The following SRPK2 variants were observed in gnomAD, a reference collection of about 807,000 sequenced individuals.
SRPK2 encodes SFRS protein kinase 2.
A neutral mutation model predicts 90.8 loss-of-function variants in SRPK2; 21 were observed. The ratio of observed to expected loss-of-function variants is 0.23; its 90% CI spans 0.16 to 0.33. The LOEUF is 0.33. SRPK2 is among the 10% of genes least tolerant of loss of function. The pLI, the probability that SRPK2 is intolerant of heterozygous loss-of-function variation, is 1.00. For synonymous variants in SRPK2, 288 were observed against 311.1 expected (o/e 0.93, Z 0.78); for missense variants, 620 against 869.0 (o/e 0.71, Z 3.60).
At chr7:105,270,247 G>A (rs917120304) in intron 2 of SRPK2, among the ~76,000 whole-genome samples, 1 of 152,110 alleles carries the variant, frequency 6.6e-6, no homozygotes, top group African/African-American at 2.4e-5. Context: ...CACTGGGAGA[G>A]CAGAGCACAG....
intron 2 of SRPK2, among the ~76,000 whole-genome samples, chr7:105,361,948 C>T (rs1465084163): frequency 1.3e-5 from 1 of 75,448 alleles, no homozygotes; most frequent in South Asian, 7.1e-4. Flanking sequence ...ACCGAAAGCG[C>T]CTGGCAACAA....
chr7:105,280,967 A>C (rs1243715039), intron 2 of SRPK2, among the ~76,000 whole-genome samples: 1 of 146,464 alleles, frequency 6.8e-6, no homozygotes, highest in African/African-American at 2.5e-5. Context: ...AAAAAAAAAA[A>C]AAAAAAAAAA....
At chr7:105,186,982 G>GCCAC (rs1160089579) in intron 3 of SRPK2, among the ~76,000 whole-genome samples, 3 of 152,184 alleles carry the variant, frequency 2.0e-5, no homozygotes, top group Non-Finnish European at 1.5e-5. Flanking sequence ...CAGCCATGAA[G>GCCAC]CCACATCAAG....
At chr7:105,243,223 T>TA (rs762474018) in intron 2 of SRPK2, among the ~76,000 whole-genome samples, 1 of 152,102 alleles carries the variant, frequency 6.6e-6, no homozygotes, top group South Asian at 2.1e-4. Flanking sequence ...AGGCTTGTCT[T>TA]AAACTCCTGG....
intron 3 of SRPK2, among the ~76,000 whole-genome samples, chr7:105,200,300 C>CA (rs1429177161): frequency 6.6e-6 from 1 of 151,926 alleles, no homozygotes; most frequent in African/African-American, 2.4e-5. Context: ...GACTCCATCT[C>CA]AAAACAAAAC....
intron 2 of SRPK2, among the ~76,000 whole-genome samples, chr7:105,290,433 G>C (rs551703261): frequency 1.1e-4 from 16 of 152,230 alleles, no homozygotes; most frequent in Middle Eastern, 6.8e-3. Context: ...AGGAGGCGGA[G>C]TTCACAGTGA....
intron 7 of SRPK2, among the ~76,000 whole-genome samples, chr7:105,148,468 C>T (rs578002528): frequency 6.6e-6 from 1 of 152,242 alleles, no homozygotes; most frequent in African/African-American, 2.4e-5. Context: ...ATAATTTTTT[C>T]AATTATTTCC....
At chr7:105,366,168 T>C (rs113132071) in intron 2 of SRPK2, among the ~76,000 whole-genome samples, 2 of 151,878 alleles carry the variant, frequency 1.3e-5, no homozygotes, top group East Asian at 2.0e-4. Flanking sequence ...ATTTTCTTAA[T>C]GGTGTCTGGG....
intron 2 of SRPK2, 67 bp downstream of exon 2, chr7:105,388,581 T>TG: frequency 6.9e-7 from 1 of 1,455,932 alleles, no homozygotes; most frequent in Non-Finnish European, 9.3e-7. Context: ...AACTTTCCCC[T>TG]GCGCGGCCGC....
chr7:105,170,745 G>GAGGGAGGAAGGAAGGAAGGA (rs1554435222), intron 3 of SRPK2, among the ~76,000 whole-genome samples: 3 of 45,602 alleles, frequency 6.6e-5, no homozygotes, highest in African/African-American at 1.2e-4. Flanking sequence ...GGAAGAAAGG[G>GAGGGAGGAAGGAAGGAAGGA]AGGAAGGAAG....
chr7:105,224,143 T>C (rs1798431312), intron 2 of SRPK2, among the ~76,000 whole-genome samples: 1 of 152,222 alleles, frequency 6.6e-6, no homozygotes, highest in Non-Finnish European at 1.5e-5. Flanking sequence ...CTGTACCATA[T>C]TAAGCAGCCC....
chr7:105,245,388 C>T (rs899999831), intron 2 of SRPK2, among the ~76,000 whole-genome samples: 9 of 152,102 alleles, frequency 5.9e-5, no homozygotes, highest in African/African-American at 2.2e-4. Flanking sequence ...GGTAAAAGAG[C>T]CAGAAATGGC....
At position 105,347,109 on chromosome 7, in the gene SRPK2, A is replaced by G. The variant is rs116707599; in HGVS notation, c.71+41539T>C. Among the ~76,000 whole-genome samples, 1,452 of 151,674 alleles carry G rather than the reference A, an allele frequency of 9.6e-3. 26 individuals are homozygous for G. The highest frequency in any genetic ancestry group is 0.034 in the African/African-American group (1,388 of 41,342). The stretch of plus-strand genomic sequence containing the variant: ...GGTTTCATTCTGTCACCCAGGCTGA[A>G]GTGCAGTGGGCATGATCATGGCTCA... On this transcript the variant is annotated intron_variant, in intron 2 of 15. Coordinates refer to ENST00000393651, the MANE Select transcript of SRPK2 (RefSeq NM_182692.3).
chr7:105,119,281 T>C (rs1584842058), intron 15 of SRPK2, among the ~76,000 whole-genome samples: 1 of 152,152 alleles, frequency 6.6e-6, no homozygotes, highest in East Asian at 1.9e-4. Context: ...TCAGGAGGCT[T>C]GTTCTGTTTC....
intron 2 of SRPK2, among the ~76,000 whole-genome samples, chr7:105,347,660 C>T (rs1563267990): frequency 6.6e-6 from 1 of 151,702 alleles, no homozygotes; most frequent in African/African-American, 2.4e-5. Flanking sequence ...TTGAGACTTG[C>T]CTGGGCAGCC....
chr7:105,281,553 G>A (rs1453832612), intron 2 of SRPK2, among the ~76,000 whole-genome samples: 2 of 152,072 alleles, frequency 1.3e-5, no homozygotes, highest in Admixed American at 6.6e-5. Flanking sequence ...CGTGGAGACT[G>A]AGGCAGGAGG....
At chr7:105,330,395 C>T (rs554306017) in intron 2 of SRPK2, among the ~76,000 whole-genome samples, 1 of 151,246 alleles carries the variant, frequency 6.6e-6, no homozygotes, top group Non-Finnish European at 1.5e-5. Flanking sequence ...TAAAATAAAA[C>T]CAGTAACAAC....
chr7:105,181,417 C>T (rs117759171), intron 3 of SRPK2, among the ~76,000 whole-genome samples: 1 of 152,134 alleles, frequency 6.6e-6, no homozygotes, highest in Non-Finnish European at 1.5e-5. Flanking sequence ...CACGCACGCA[C>T]GTGTATGTTC....
chr7:105,339,513 T>C (rs1055769566), intron 2 of SRPK2, among the ~76,000 whole-genome samples: 4 of 152,196 alleles, frequency 2.6e-5, no homozygotes, highest in Non-Finnish European at 4.4e-5. Context: ...CCACCTGAGA[T>C]ATCCAGAAGA....
Sources: gnomAD v4.1 joint callset for allele counts (sites outside exome capture counted in the v4.1 genomes callset) on GRCh38, gnomAD v4.1.1 for gene constraint, MANE v1.5 for transcripts, NCBI Gene and HGNC (gene_info 2026-07-23, HGNC 2026-07-21) for gene names.